Variants in PDLIM1 observed in about 807,000 individuals in gnomAD.
The protein encoded by PDLIM1 is PDZ and LIM domain 1.
In PDLIM1, 25 loss-of-function variants were observed where a neutral mutation model predicts 35.2. That is an observed-to-expected ratio of 0.71 (90% confidence interval 0.52 to 0.99). The LOEUF is 0.99. Among genes scored for constraint, PDLIM1 ranks in the 50% least tolerant of loss-of-function variants. PDLIM1 has a pLI of 0.00. For missense variants in PDLIM1, 363 were observed against 415.3 expected, an observed-to-expected ratio of 0.87 and a Z score of 1.09; for synonymous variants, 152 against 154.0, an observed-to-expected ratio of 0.99 and a Z score of 0.10.
intron 4 of PDLIM1, among the ~76,000 whole-genome samples, chr10:95,260,751 AG>A (rs1297480749): frequency 2.0e-5 from 3 of 152,224 alleles, no homozygotes; most frequent in Non-Finnish European, 4.4e-5. Context: ...TCAGATGCAA[AG>A]TATGTAGTGA....
chr10:95,276,053 G>C (rs1011838253), intron 1 of PDLIM1, among the ~76,000 whole-genome samples: 2 of 151,992 alleles, frequency 1.3e-5, no homozygotes, highest in African/African-American at 4.8e-5. Context: ...CAAATAATGG[G>C]ATTTGCCTTT....
intron 3 of PDLIM1, among the ~76,000 whole-genome samples, chr10:95,268,396 A>G (rs991543608): frequency 6.6e-6 from 1 of 152,210 alleles, no homozygotes; most frequent in African/African-American, 2.4e-5. Flanking sequence ...TCTAGGCTCT[A>G]GGCCTCCAGA....
chr10:95,256,345 T>C (rs1321554482), intron 4 of PDLIM1, among the ~76,000 whole-genome samples: 1 of 152,140 alleles, frequency 6.6e-6, no homozygotes, highest in Non-Finnish European at 1.5e-5. Flanking sequence ...AAAAACATCA[T>C]TGTAAAATTA....
At chr10:95,244,916 A>T (rs544895846) in intron 5 of PDLIM1, among the ~76,000 whole-genome samples, 1 of 152,292 alleles carries the variant, frequency 6.6e-6, no homozygotes, top group African/African-American at 2.4e-5. Context: ...AAACAAAAAC[A>T]AAAACAAACA....
At chr10:95,268,496 C>G (rs1455554262) in intron 3 of PDLIM1, among the ~76,000 whole-genome samples, 1 of 152,196 alleles carries the variant, frequency 6.6e-6, no homozygotes, top group African/African-American at 2.4e-5. Context: ...GTGATCCTGC[C>G]AACCCTTCCC....
chr10:95,247,734 C>T (rs1218043200), intron 4 of PDLIM1: 1 of 166,252 alleles, frequency 6.0e-6, no homozygotes, highest in Admixed American at 6.4e-5. Context: ...CCATGAAGAA[C>T]TCAGCCGGGT....
At chr10:95,273,950 G>A (rs888724739) in intron 1 of PDLIM1, among the ~76,000 whole-genome samples, 1 of 152,188 alleles carries the variant, frequency 6.6e-6, no homozygotes, top group Admixed American at 6.5e-5. Context: ...ATTGGCAAGC[G>A]TTCTTGACTG....
chr10:95,287,914 TCA>T (rs56009233), intron 1 of PDLIM1, among the ~76,000 whole-genome samples: 3 of 150,320 alleles, frequency 2.0e-5, no homozygotes, highest in East Asian at 3.9e-4. Flanking sequence ...AAGAAGCTGT[TCA>T]CACACACACA....
At position 95,251,522 on chromosome 10, in the gene PDLIM1, C is replaced by G. The variant is rs2035267881; in HGVS notation, c.534-4156G>C. On this transcript the variant is annotated intron_variant, in intron 4 of 6. Transcript: ENST00000329399. ...ACCTAGGAGGCAGAAGTTGCTAAAA[C>G]AAGACAGCCATAAGAAAAAAATCCT... Among the ~76,000 whole-genome samples, 2 of 152,068 alleles carry G rather than the reference C, an allele frequency of 1.3e-5. 1 individual carries two copies. The highest frequency in any genetic ancestry group is 4.2e-4 in the South Asian group (2 of 4,818).
intron 5 of PDLIM1, 160 bp from the exon 6 acceptor site, chr10:95,238,845 C>A: frequency 1.8e-6 from 1 of 546,624 alleles, no homozygotes; most frequent in Non-Finnish European, 3.3e-6. Context: ...CCTCTCTGGT[C>A]CCCAGTTTAT....
chr10:95,279,132 A>G (rs1039726741), intron 1 of PDLIM1, among the ~76,000 whole-genome samples: 4 of 152,168 alleles, frequency 2.6e-5, no homozygotes, highest in African/African-American at 4.8e-5. Context: ...AAAATCAGAA[A>G]ATCTGGCAAT....
At chr10:95,270,750 T>C (rs887689892) in intron 2 of PDLIM1, among the ~76,000 whole-genome samples, 3 of 152,054 alleles carry the variant, frequency 2.0e-5, no homozygotes, top group African/African-American at 7.2e-5. Context: ...AGCAGCATCC[T>C]AAGGACATTT....
chr10:95,257,038 G>T (rs7907201), intron 4 of PDLIM1, among the ~76,000 whole-genome samples: 16,958 of 128,820 alleles, frequency 0.13, 1,560 homozygotes, highest in Non-Finnish European at 0.16. Flanking sequence ...AAGAAAGAAA[G>T]AATTCAAAAT....
chr10:95,272,659 G>A (rs1438750392), intron 1 of PDLIM1, among the ~76,000 whole-genome samples: 3 of 151,600 alleles, frequency 2.0e-5, no homozygotes, highest in African/African-American at 2.4e-5. Context: ...GTGAGATTTC[G>A]TCTCAAAAAA....
chr10:95,263,825 C>T, intron 4 of PDLIM1, 39 bp downstream of exon 4: 5 of 1,540,556 alleles, frequency 3.2e-6, no homozygotes, highest in Non-Finnish European at 4.4e-6. Context: ...AAAAGCCCCT[C>T]CCAGGAGCGG....
intron 3 of PDLIM1, 136 bp from the exon 4 acceptor site, chr10:95,264,199 G>T: frequency 1.5e-6 from 1 of 669,450 alleles, no homozygotes; most frequent in Non-Finnish European, 2.6e-6. Context: ...TTTAGCTGAG[G>T]GACACTGACA....
At position 95,288,317 on chromosome 10, in the gene PDLIM1, G is replaced by C. The variant is rs2035619558; in HGVS notation, c.96+2503C>G. 2.0e-5 allele frequency among the ~76,000 whole-genome samples: 3 copies of C among 152,136 alleles called. No individual in the cohort carries two copies. In the South Asian group the frequency reaches 6.2e-4, roughly 31 times the overall value. On this transcript the variant is annotated intron_variant, in intron 1 of 6. Coordinates refer to ENST00000329399, the MANE Select transcript of PDLIM1 (RefSeq NM_020992.4). ...AGCAAACATGGTTATTTAAATAAAA[G>C]GCACTCCTCTCCCAGCCTAATTTTA...
At chr10:95,288,776 T>C (rs1402395254) in intron 1 of PDLIM1, among the ~76,000 whole-genome samples, 4 of 152,186 alleles carry the variant, frequency 2.6e-5, no homozygotes, top group African/African-American at 9.7e-5. Flanking sequence ...AAATGTTACC[T>C]CTTCTGAGTC....
intron 1 of PDLIM1, among the ~76,000 whole-genome samples, chr10:95,284,472 G>A (rs2035585674): frequency 6.6e-6 from 1 of 152,032 alleles, no homozygotes; most frequent in Non-Finnish European, 1.5e-5. Flanking sequence ...TCCTGCCTCA[G>A]CCTCTTGAGT....
Sources: allele counts gnomAD v4.1 joint callset (sites outside exome capture counted in the v4.1 genomes callset), GRCh38; gene constraint gnomAD v4.1.1; transcripts MANE v1.5; gene names NCBI Gene and HGNC (gene_info 2026-07-23, HGNC 2026-07-21).